The following MALRD1 variants were observed in gnomAD, a reference collection of about 807,000 sequenced individuals.
The protein encoded by MALRD1 is MAM and LDL-receptor class A domain-containing protein 1.
MALRD1 carries 247 observed loss-of-function variants against 242.1 expected under a neutral mutation model. That is an observed-to-expected ratio of 1.02 (90% CI 0.92 to 1.13). MALRD1 has a LOEUF of 1.13. Among genes scored for constraint, MALRD1 ranks in the 50% most tolerant of loss-of-function variants. The pLI, the probability that MALRD1 is intolerant of heterozygous loss-of-function variation, is 0.00. For synonymous variants in MALRD1, 995 were observed against 866.6 expected (o/e 1.15, Z -2.60); for missense variants, 2,989 against 2,533.1 (o/e 1.18, Z -3.86).
At chr10:19,296,743 T>A (rs927811860) in intron 21 of MALRD1, among the ~76,000 whole-genome samples, 1 of 152,082 alleles carries the variant, frequency 6.6e-6, no homozygotes, top group African/African-American at 2.4e-5. Context: ...AATAGTCTGT[T>A]GGAAGTCCTT....
chr10:19,457,145 C>T (rs74118951), intron 29 of MALRD1, among the ~76,000 whole-genome samples: 8,518 of 152,074 alleles, frequency 0.056, 769 homozygotes, highest in African/African-American at 0.19. Context: ...CTAGATGTTA[C>T]ACCAAATATC....
intron 17 of MALRD1, 124 bp from the exon 18 acceptor site, chr10:19,209,143 TA>T (rs753704015): frequency 7.0e-4 from 583 of 835,906 alleles, no homozygotes; most frequent in Non-Finnish European, 9.1e-4. Context: ...ATTTTAAAAA[TA>T]AAATGGCTTA....
chr10:19,449,109 T>G (rs1835165123), intron 28 of MALRD1, among the ~76,000 whole-genome samples: 1 of 152,218 alleles, frequency 6.6e-6, no homozygotes, highest in South Asian at 2.1e-4. Flanking sequence ...CAAATATAAA[T>G]AATTTGTGTA....
chr10:19,311,088 A>T (rs1185903463), intron 21 of MALRD1, among the ~76,000 whole-genome samples: 2 of 151,498 alleles, frequency 1.3e-5, no homozygotes, highest in Non-Finnish European at 3.0e-5. Flanking sequence ...TGTTAAGGAG[A>T]TGCTGAAGAC....
At chr10:19,572,244 G>C (rs1311669027) in intron 33 of MALRD1, among the ~76,000 whole-genome samples, 1 of 152,208 alleles carries the variant, frequency 6.6e-6, no homozygotes, top group Non-Finnish European at 1.5e-5. Context: ...CAGCAGAAGA[G>C]TGTGTTTATT....
intron 33 of MALRD1, among the ~76,000 whole-genome samples, chr10:19,587,679 G>A (rs1173505442): frequency 2.0e-5 from 3 of 152,216 alleles, no homozygotes; most frequent in Admixed American, 6.5e-5. Flanking sequence ...GGAGGGCAAA[G>A]AAACACCTAC....
At chr10:19,262,068 T>A (rs1347678672) in intron 19 of MALRD1, among the ~76,000 whole-genome samples, 1 of 152,214 alleles carries the variant, frequency 6.6e-6, no homozygotes, top group South Asian at 2.1e-4. Context: ...AATGTCATCA[T>A]TTGCTCTTCC....
Position 19,055,070 on chromosome 10 carries a change from A to T in MALRD1, c.199+5933A>T, listed in dbSNP as rs1834622043. Among the ~76,000 whole-genome samples, 3 of 152,132 alleles carry T rather than the reference A, an allele frequency of 2.0e-5. No individual in the cohort carries two copies. The South Asian group carries it at 6.2e-4, about 31-fold the overall frequency. ...ATTCTGCCAGCACTTGTTGTCTTTC[A>T]TCTATTTTTGATAAAAGCCATTCTA... On this transcript the variant is annotated intron_variant, in intron 1 of 39. Transcript: ENST00000454679.
intron 29 of MALRD1, among the ~76,000 whole-genome samples, chr10:19,461,537 A>G (rs1220880711): frequency 6.6e-6 from 1 of 152,194 alleles, no homozygotes; most frequent in African/African-American, 2.4e-5. Flanking sequence ...TCAGGAAGAT[A>G]TGGAAATCAA....
rs139776520 is a variant in MALRD1 at position 19,301,157 on chromosome 10, G to C, written c.3419+17976G>C. 1.5e-3 allele frequency among the ~76,000 whole-genome samples: 224 copies of C among 152,046 alleles called. 2 individuals carry two copies. The highest frequency in any genetic ancestry group is 5.1e-3 in the African/African-American group (210 of 41,522). ...GAGAATTGCAAATCAAAATCACAGT[G>C]AGATACCATCTCAAACCTGTCAAAA... On this transcript the variant is annotated intron_variant, in intron 21 of 39. Transcript: ENST00000454679.
chr10:19,280,351 T>C, intron 20 of MALRD1, 128 bp downstream of exon 20: 2 of 626,470 alleles, frequency 3.2e-6, no homozygotes, highest in Non-Finnish European at 4.7e-6. Context: ...CTTCTAAATG[T>C]AACAGTTATT....
At chr10:19,501,245 G>A (rs1411329230) in intron 31 of MALRD1, among the ~76,000 whole-genome samples, 1 of 152,164 alleles carries the variant, frequency 6.6e-6, no homozygotes. Context: ...ATTTGGGTCA[G>A]TCTAATTAAT....
intron 12 of MALRD1, among the ~76,000 whole-genome samples, chr10:19,160,929 A>AT (rs1382470905): frequency 6.7e-5 from 10 of 149,186 alleles, no homozygotes; most frequent in African/African-American, 9.8e-5. Context: ...GGATTCATTG[A>AT]TTTTTTGAAG....
intron 36 of MALRD1, among the ~76,000 whole-genome samples, chr10:19,688,023 G>A (rs573156391): frequency 8.0e-4 from 122 of 152,026 alleles, no homozygotes; most frequent in African/African-American, 2.3e-3. Flanking sequence ...AGGCTGGAGC[G>A]CAGTGGAGTG....
rs1485346696 is a variant in MALRD1 at position 19,093,903 on chromosome 10, C to T, written c.597+5718C>T. 1.6e-4 allele frequency among the ~76,000 whole-genome samples: 16 copies of T among 98,718 alleles called. 4 individuals are homozygous for T. Among genetic ancestry groups the T allele is most frequent in the Non-Finnish European group, 2.7e-4 (13 of 48,292 alleles). 64.8% of individuals were successfully genotyped at this position (98,718 alleles called of 152,430 possible). A position where few individuals can be genotyped will look rare whatever the true frequency, so the allele number is the denominator to read the frequency against. On this transcript the variant is annotated intron_variant, in intron 4 of 39. Coordinates refer to ENST00000454679, the MANE Select transcript of MALRD1 (RefSeq NM_001142308.3). ...GGGGGTGCCTCCCAGTTAGGCTGCT[C>T]GGGGGTCAGGGGTCAGGGACCCACT... is the stretch of plus-strand genomic sequence containing the variant.
At chr10:19,705,403 A>T (rs1271450760) in intron 38 of MALRD1, among the ~76,000 whole-genome samples, 1 of 152,204 alleles carries the variant, frequency 6.6e-6, no homozygotes, top group East Asian at 1.9e-4. Context: ...AGGTCATCTC[A>T]TAATGCTGGC....
chr10:19,279,198 A>G (rs1840687329), intron 19 of MALRD1, among the ~76,000 whole-genome samples: 1 of 152,108 alleles, frequency 6.6e-6, no homozygotes, highest in South Asian at 2.1e-4. Context: ...GTCCTTTGTG[A>G]CTGGGCCCAA....
At chr10:19,682,026 T>G (rs992118490) in intron 36 of MALRD1, among the ~76,000 whole-genome samples, 15 of 152,254 alleles carry the variant, frequency 9.9e-5, no homozygotes, top group African/African-American at 3.4e-4. Flanking sequence ...TTTTATGGAA[T>G]AACTATATCT....
intron 31 of MALRD1, among the ~76,000 whole-genome samples, chr10:19,519,931 G>T (rs1262365097): frequency 3.3e-5 from 5 of 152,068 alleles, no homozygotes; most frequent in Non-Finnish European, 5.9e-5. Flanking sequence ...CTTTTTAAAG[G>T]AATAACATAT....
Sources: allele counts gnomAD v4.1 joint callset (sites outside exome capture counted in the v4.1 genomes callset), GRCh38; gene constraint gnomAD v4.1.1; transcripts MANE v1.5; gene names NCBI Gene and HGNC (gene_info 2026-07-23, HGNC 2026-07-21).